NKAIN2: variants seen among roughly 807,000 people sequenced by gnomAD.
The protein encoded by NKAIN2 is sodium/potassium transporting ATPase interacting 2.
A neutral mutation model predicts 32.6 loss-of-function variants in NKAIN2; 14 were observed. That is an observed-to-expected ratio of 0.43 (90% CI 0.28 to 0.67). The LOEUF (loss-of-function observed/expected upper bound fraction) is 0.67, where lower values mean the gene tolerates loss of function less well. Among genes scored for constraint, NKAIN2 ranks in the 30% least tolerant of loss-of-function variants. The pLI is 0.17. For missense variants in NKAIN2, 198 were observed against 258.3 expected (o/e 0.77, Z 1.60); for synonymous variants, 80 against 87.2 (o/e 0.92, Z 0.46).
chr6:124,494,640 A>G (rs917433836), intron 3 of NKAIN2, among the ~76,000 whole-genome samples: 6 of 152,148 alleles, frequency 3.9e-5, no homozygotes, highest in Non-Finnish European at 8.8e-5. Flanking sequence ...ACTGAGGTCA[A>G]AATACAATGA....
intron 4 of NKAIN2, among the ~76,000 whole-genome samples, chr6:124,790,111 C>A (rs1779678879): frequency 6.6e-6 from 1 of 152,076 alleles, no homozygotes; most frequent in African/African-American, 2.4e-5. Flanking sequence ...TATGCCAGTT[C>A]TTTTTGGAAG....
chr6:124,316,850 A>G (rs1422612309), intron 2 of NKAIN2, among the ~76,000 whole-genome samples: 1 of 151,974 alleles, frequency 6.6e-6, no homozygotes, highest in African/African-American at 2.4e-5. Flanking sequence ...CTAATAGCAC[A>G]TCTAGAATTC....
chr6:124,248,253 AAAT>A (rs1178961525), intron 1 of NKAIN2, among the ~76,000 whole-genome samples: 2 of 152,026 alleles, frequency 1.3e-5, no homozygotes, highest in African/African-American at 4.8e-5. Context: ...CTTCATTTTG[AAAT>A]GGAATGATCA....
intron 4 of NKAIN2, among the ~76,000 whole-genome samples, chr6:124,684,183 A>C (rs1340049208): frequency 6.6e-6 from 1 of 152,196 alleles, no homozygotes; most frequent in East Asian, 1.9e-4. Context: ...ATAGGAAAAT[A>C]AATACATGTC....
chr6:124,497,956 C>T (rs998124588), intron 3 of NKAIN2, among the ~76,000 whole-genome samples: 11 of 151,776 alleles, frequency 7.2e-5, no homozygotes, highest in Middle Eastern at 3.4e-3. Context: ...CTGACCATGT[C>T]TAAAATGTAA....
chr6:124,654,201 G>T (rs1367336168), intron 3 of NKAIN2, among the ~76,000 whole-genome samples: 3 of 152,088 alleles, frequency 2.0e-5, no homozygotes. Flanking sequence ...GAAAGTGGTT[G>T]CCTTTCAATA....
intron 4 of NKAIN2, among the ~76,000 whole-genome samples, chr6:124,746,356 CAAAAG>C (rs370082405): frequency 0.013 from 1,910 of 151,690 alleles, 31 homozygotes; most frequent in African/African-American, 0.042. Flanking sequence ...GAAAAACAGA[CAAAAG>C]AAAAGGAATG....
intron 1 of NKAIN2, among the ~76,000 whole-genome samples, chr6:124,066,156 C>T (rs1215639230): frequency 6.6e-6 from 1 of 152,028 alleles, no homozygotes; most frequent in Non-Finnish European, 1.5e-5. Context: ...TGGAGAGACC[C>T]AGATATATAA....
intron 1 of NKAIN2, among the ~76,000 whole-genome samples, chr6:123,915,901 C>T (rs1292203219): frequency 6.6e-6 from 1 of 152,114 alleles, no homozygotes; most frequent in East Asian, 1.9e-4. Flanking sequence ...ACACATCAAC[C>T]TCCAAATTTA....
At position 124,706,656 on chromosome 6, in the gene NKAIN2, A is replaced by C. The variant is rs906010299; in HGVS notation, c.474+48270A>C. ...ATGTGAAAGCAGATAGAAAAGTCTC[A>C]GTATAAATAAGTGGTCAAAGAGCAG... is the stretch of plus-strand genomic sequence containing the variant. On this transcript the variant is annotated intron_variant, in intron 4 of 6. Transcript: ENST00000368417. Among the ~76,000 whole-genome samples, 16 of 152,304 alleles carry C rather than the reference A, an allele frequency of 1.1e-4. No individual in the cohort carries two copies. In the East Asian group the frequency reaches 2.5e-3, roughly 24 times the overall value.
At chr6:124,325,539 G>A (rs536978184) in intron 2 of NKAIN2, among the ~76,000 whole-genome samples, 16 of 152,184 alleles carry the variant, frequency 1.1e-4, no homozygotes, top group African/African-American at 2.6e-4. Flanking sequence ...CAGGTTAGAT[G>A]TATTCATAAA....
At chr6:124,632,164 C>T (rs1290511875) in intron 3 of NKAIN2, among the ~76,000 whole-genome samples, 1 of 152,124 alleles carries the variant, frequency 6.6e-6, no homozygotes, top group African/African-American at 2.4e-5. Flanking sequence ...TGTGAACACA[C>T]ATCTTAATTA....
At chr6:123,818,244 A>C (rs1389813580) in intron 1 of NKAIN2, among the ~76,000 whole-genome samples, 1 of 152,146 alleles carries the variant, frequency 6.6e-6, no homozygotes, top group Non-Finnish European at 1.5e-5. Flanking sequence ...TTTAGGTCCA[A>C]GTATGAGTTT....
chr6:124,471,834 T>C (rs983375464), intron 3 of NKAIN2, among the ~76,000 whole-genome samples: 1 of 152,210 alleles, frequency 6.6e-6, no homozygotes, highest in East Asian at 1.9e-4. Context: ...TTGTATAAGT[T>C]AATGGTGACT....
intron 2 of NKAIN2, among the ~76,000 whole-genome samples, chr6:124,342,966 T>G (rs1167553552): frequency 6.7e-6 from 1 of 148,322 alleles, no homozygotes; most frequent in Non-Finnish European, 1.5e-5. Context: ...TATCTCCTAA[T>G]GCTATCCCTT....
intron 4 of NKAIN2, among the ~76,000 whole-genome samples, chr6:124,675,806 T>G (rs555541180): frequency 1.4e-4 from 22 of 152,162 alleles, no homozygotes; most frequent in African/African-American, 5.1e-4. Flanking sequence ...TTTTGTTTTT[T>G]TAATATTTTT....
chr6:124,544,434 C>A (rs890221255), intron 3 of NKAIN2, among the ~76,000 whole-genome samples: 4 of 149,412 alleles, frequency 2.7e-5, no homozygotes, highest in African/African-American at 9.9e-5. Context: ...TCCCCTTTAG[C>A]AGGTACAGCT....
intron 3 of NKAIN2, among the ~76,000 whole-genome samples, chr6:124,394,527 CAGAT>C (rs748226663): frequency 2.0e-5 from 3 of 147,664 alleles, no homozygotes; most frequent in Non-Finnish European, 3.0e-5. Flanking sequence ...TACAGACAGA[CAGAT>C]AGATACATAG....
intron 4 of NKAIN2, among the ~76,000 whole-genome samples, chr6:124,686,166 A>G (rs964907751): frequency 5.9e-5 from 9 of 152,158 alleles, no homozygotes; most frequent in African/African-American, 1.7e-4. Flanking sequence ...ACTTCCTAAC[A>G]TAGGCAGTCC....
Sources: gnomAD v4.1 joint callset for allele counts (sites outside exome capture counted in the v4.1 genomes callset) on GRCh38, gnomAD v4.1.1 for gene constraint, MANE v1.5 for transcripts, NCBI Gene and HGNC (gene_info 2026-07-23, HGNC 2026-07-21) for gene names.